The following PHLDB2 variants were observed in gnomAD, a reference collection of about 807,000 sequenced individuals.
PHLDB2 encodes the protein pleckstrin homology-like domain family B member 2.
In PHLDB2, 71 loss-of-function variants were observed where a neutral mutation model predicts 123.6. The ratio of observed to expected loss-of-function variants is 0.57; its 90% CI spans 0.47 to 0.70. The LOEUF (loss-of-function observed/expected upper bound fraction) is 0.70, where lower values mean the gene tolerates loss of function less well. Ranked by LOEUF, PHLDB2 falls within the 30% of genes least tolerant of loss-of-function variation. The pLI, the probability that PHLDB2 is intolerant of heterozygous loss-of-function variation, is 0.00. For missense variants in PHLDB2, 1,446 were observed against 1,519.5 expected (o/e 0.95, Z 0.80); for synonymous variants, 547 against 541.6 (o/e 1.01, Z -0.14).
chr3:111,893,497 G>A (rs1319901420), intron 2 of PHLDB2, among the ~76,000 whole-genome samples: 2 of 152,078 alleles, frequency 1.3e-5, no homozygotes, highest in Non-Finnish European at 2.9e-5. Context: ...GAGAAACAAT[G>A]GCTCTCTTCC....
intron 1 of PHLDB2, among the ~76,000 whole-genome samples, chr3:111,796,683 A>G (rs1266892167): frequency 6.6e-6 from 1 of 152,050 alleles, no homozygotes; most frequent in Non-Finnish European, 1.5e-5. Flanking sequence ...ACAGGCATGC[A>G]TCTGGCTAAT....
chr3:111,807,737 C>T (rs536036445), intron 1 of PHLDB2, among the ~76,000 whole-genome samples: 13 of 151,074 alleles, frequency 8.6e-5, no homozygotes, highest in African/African-American at 2.2e-4. Context: ...ACAGCCTGGG[C>T]GACAGAGTGA....
chr3:111,749,448 T>G (rs969943003), intron 1 of PHLDB2, among the ~76,000 whole-genome samples: 2 of 152,228 alleles, frequency 1.3e-5, no homozygotes, highest in African/African-American at 2.4e-5. Context: ...GTAAGCAAGA[T>G]TTGTATGTTT....
At chr3:111,871,639 C>A (rs535138584) in intron 1 of PHLDB2, among the ~76,000 whole-genome samples, 36 of 148,170 alleles carry the variant, frequency 2.4e-4, no homozygotes, top group African/African-American at 8.6e-4. Context: ...GGGTGACAGA[C>A]CCTGTTAAAA....
chr3:111,775,414 A>C (rs142795843), intron 1 of PHLDB2, among the ~76,000 whole-genome samples: 120 of 152,324 alleles, frequency 7.9e-4, no homozygotes, highest in Middle Eastern at 3.4e-3. Flanking sequence ...AAAACTGGTT[A>C]GTCAAGAAGT....
At chr3:111,909,850 C>A (rs2067779945) in intron 2 of PHLDB2, among the ~76,000 whole-genome samples, 1 of 151,922 alleles carries the variant, frequency 6.6e-6, no homozygotes. Context: ...TTAAGTAATA[C>A]ATGACCCAAT....
intron 8 of PHLDB2, among the ~76,000 whole-genome samples, chr3:111,944,750 G>A (rs1056480587): frequency 2.6e-5 from 4 of 151,960 alleles, no homozygotes; most frequent in East Asian, 3.8e-4. Flanking sequence ...GCGCGATCTC[G>A]GCTCACTGCA....
intron 1 of PHLDB2, among the ~76,000 whole-genome samples, chr3:111,837,299 C>A (rs901805491): frequency 2.6e-5 from 4 of 152,118 alleles, no homozygotes; most frequent in African/African-American, 9.7e-5. Context: ...TCTTACGCAA[C>A]CTTGTACAAT....
chr3:111,782,157 A>G (rs1258332587), intron 1 of PHLDB2, among the ~76,000 whole-genome samples: 1 of 152,112 alleles, frequency 6.6e-6, no homozygotes, highest in Non-Finnish European at 1.5e-5. Flanking sequence ...ATTTGCATCC[A>G]AATGATAAAA....
At chr3:111,905,239 G>C (rs2067441323) in intron 2 of PHLDB2, among the ~76,000 whole-genome samples, 1 of 152,162 alleles carries the variant, frequency 6.6e-6, no homozygotes. Flanking sequence ...TTTTGTTCTG[G>C]GGATAGGTGG....
chr3:111,916,993 A>G (rs1339866866), intron 3 of PHLDB2: 4 of 152,222 alleles, frequency 2.6e-5, no homozygotes, highest in Middle Eastern at 3.2e-3. Flanking sequence ...TAAAATTACA[A>G]TGTTCTCTGT....
chr3:111,891,141 G>C (rs9834691), intron 2 of PHLDB2, among the ~76,000 whole-genome samples: 11,888 of 152,180 alleles, frequency 0.078, 535 homozygotes, highest in African/African-American at 0.11. Context: ...ATAAGGTGTT[G>C]CTAGAGGGCT....
intron 1 of PHLDB2, among the ~76,000 whole-genome samples, chr3:111,823,954 G>T (rs4411859): frequency 0.39 from 59,492 of 151,938 alleles, 14,370 homozygotes; most frequent in Middle Eastern, 0.66. Context: ...AGTTTCATCT[G>T]GGATTACTCA....
At chr3:111,859,734 G>C (rs2064705697) in intron 1 of PHLDB2, 158 bp downstream of exon 1, 1 of 985,322 alleles carries the variant, frequency 1.0e-6, no homozygotes, top group African/African-American at 1.7e-5. Context: ...GGCTGCCCGG[G>C]CCGAGGAGGG....
At chr3:111,961,586 T>C (rs948035274) in intron 12 of PHLDB2, among the ~76,000 whole-genome samples, 2 of 152,186 alleles carry the variant, frequency 1.3e-5, no homozygotes, top group Non-Finnish European at 2.9e-5. Context: ...GTTTGGATCT[T>C]AACAAGATTA....
chr3:111,949,180 A>G lies in PHLDB2; in HGVS notation c.2631+105A>G, dbSNP rs1577167440. 7.4e-6 allele frequency: 10 copies of G among 1,342,416 alleles called. No homozygotes were observed. The East Asian group carries it at 1.2e-4, about 17-fold the overall frequency. The allele number at this position is 1,342,416 out of a possible 1,614,324, so 83.2% of individuals were successfully genotyped here. A position where few individuals can be genotyped will look rare whatever the true frequency, so the allele number is the denominator to read the frequency against. On this transcript the variant is annotated intron_variant, in intron 10 of 17. Transcript: ENST00000431670. ...CCACGAGAACGTGCATGACAAATGTATATCTGTTTGGCCAGAGGGGTAGGG... is the reference window on the plus strand; with the variant it reads ...CCACGAGAACGTGCATGACAAATGTGTATCTGTTTGGCCAGAGGGGTAGGG...
chr3:111,773,524 G>A (rs921125416), intron 1 of PHLDB2, among the ~76,000 whole-genome samples: 4 of 152,136 alleles, frequency 2.6e-5, no homozygotes, highest in East Asian at 1.9e-4. Flanking sequence ...ATGTTTCCAC[G>A]ATCTTATGCT....
In PHLDB2 at chr3:111,885,366, G is replaced by C. The variant is rs375225872; in HGVS notation, c.1289G>C (p.Arg430Pro). Residue 430 changes from arginine (R) to proline (P), a missense_variant, in exon 2 of 18, where the codon CGG becomes CCG. Coordinates refer to ENST00000431670, the MANE Select transcript of PHLDB2 (RefSeq NM_001134438.2). ...SGRDDLMDYHRRQREERLREQ... is the reference protein window; with the variant it reads ...SGRDDLMDYHPRQREERLREQ... ...CGTGATGACCTGATGGATTATCACC[G>C]GCGGCAGAGGGAGGAAAGACTCAGG... The C allele has an allele frequency of 6.2e-7, 1 of 1,614,118 alleles. No individual in the cohort carries two copies. Among genetic ancestry groups the C allele is most frequent in the South Asian group, 1.1e-5 (1 of 91,080 alleles).
At chr3:111,877,170 G>A (rs1317216332) in intron 1 of PHLDB2, among the ~76,000 whole-genome samples, 1 of 152,216 alleles carries the variant, frequency 6.6e-6, no homozygotes, top group East Asian at 1.9e-4. Flanking sequence ...GGTTGAACTA[G>A]TTTACACTCC....
Sources: gnomAD v4.1 joint callset for allele counts (sites outside exome capture counted in the v4.1 genomes callset) on GRCh38, gnomAD v4.1.1 for gene constraint, MANE v1.5 for transcripts, NCBI Gene and HGNC (gene_info 2026-07-23, HGNC 2026-07-21) for gene names.